Variants in CACHD1 observed in about 807,000 individuals in gnomAD.
The protein encoded by CACHD1 is VWFA and cache domain-containing protein 1.
CACHD1 carries 71 observed loss-of-function variants against 138.7 expected under a neutral mutation model. The observed-to-expected ratio is 0.51, with a 90% CI of 0.42 to 0.62. The LOEUF is 0.62. Among genes scored for constraint, CACHD1 ranks in the 20% least tolerant of loss-of-function variants. The pLI, the probability that CACHD1 is intolerant of heterozygous loss-of-function variation, is 0.00. For missense variants in CACHD1, 1,389 were observed against 1,625.3 expected (o/e 0.85, Z 2.50); for synonymous variants, 578 against 591.5 (o/e 0.98, Z 0.33).
intron 13 of CACHD1, among the ~76,000 whole-genome samples, chr1:64,662,138 A>G (rs1414938170): frequency 6.6e-6 from 1 of 152,208 alleles, no homozygotes; most frequent in Non-Finnish European, 1.5e-5. Context: ...AGAAGCAAAA[A>G]TCAAATCCAG....
intron 13 of CACHD1, among the ~76,000 whole-genome samples, chr1:64,662,513 A>C (rs1649476463): frequency 6.6e-6 from 1 of 152,180 alleles, no homozygotes; most frequent in Admixed American, 6.5e-5. Flanking sequence ...TTACTTTTTA[A>C]GTGCAATGTC....
chr1:64,603,164 C>G (rs990327961), intron 4 of CACHD1, among the ~76,000 whole-genome samples: 1 of 143,862 alleles, frequency 7.0e-6, no homozygotes, highest in South Asian at 2.2e-4. Context: ...GAGTGCAGTG[C>G]CGCGATCTCG....
intron 4 of CACHD1, among the ~76,000 whole-genome samples, chr1:64,608,432 C>G (rs1477075915): frequency 6.6e-6 from 1 of 152,160 alleles, no homozygotes; most frequent in African/African-American, 2.4e-5. Context: ...GCCTTAGGCT[C>G]TTTCATACTG....
chr1:64,605,576 A>G (rs1424865086), intron 4 of CACHD1, among the ~76,000 whole-genome samples: 3 of 152,134 alleles, frequency 2.0e-5, no homozygotes, highest in Admixed American at 6.5e-5. Context: ...TTGAGATTCT[A>G]GAAGCTCCAT....
chr1:64,533,905 A>G (rs1204734601), intron 1 of CACHD1, among the ~76,000 whole-genome samples: 1 of 151,858 alleles, frequency 6.6e-6, no homozygotes, highest in East Asian at 1.9e-4. Flanking sequence ...GGCACCAGCC[A>G]CCACATCCGG....
chr1:64,677,872 G>A (rs1650048214), intron 22 of CACHD1, among the ~76,000 whole-genome samples: 1 of 151,960 alleles, frequency 6.6e-6, no homozygotes, highest in Admixed American at 6.6e-5. Context: ...TTTCTGTTTG[G>A]TCTTGTAAGA....
At chr1:64,647,667 C>A in intron 8 of CACHD1, 134 bp from the exon 9 acceptor site, 1 of 661,018 alleles carries the variant, frequency 1.5e-6, no homozygotes, top group Non-Finnish European at 2.6e-6. Context: ...TGTCCAGAGT[C>A]TATGTGGTCT....
intron 1 of CACHD1, among the ~76,000 whole-genome samples, chr1:64,533,748 C>CT (rs1553130304): frequency 1.1e-3 from 143 of 129,442 alleles, no homozygotes; most frequent in East Asian, 1.0e-2. Context: ...TCTTCTCTCT[C>CT]TTTTTTTTTT....
At chr1:64,525,743 T>C (rs307343) in intron 1 of CACHD1, among the ~76,000 whole-genome samples, 18,179 of 152,174 alleles carry the variant, frequency 0.12, 3,214 homozygotes, top group African/African-American at 0.39. Context: ...ACATTTTCTT[T>C]AGGTAATGGC....
chr1:64,599,770 C>A (rs1225384295), intron 3 of CACHD1, among the ~76,000 whole-genome samples: 1 of 152,084 alleles, frequency 6.6e-6, no homozygotes, highest in Non-Finnish European at 1.5e-5. Flanking sequence ...TGTCCCTGGT[C>A]CCACGAGCCA....
At chr1:64,631,545 G>T (rs993291383) in intron 5 of CACHD1, among the ~76,000 whole-genome samples, 4 of 152,138 alleles carry the variant, frequency 2.6e-5, no homozygotes, top group African/African-American at 9.7e-5. Context: ...GATTCAGCTG[G>T]CATCTAACAT....
intron 1 of CACHD1, among the ~76,000 whole-genome samples, chr1:64,521,494 C>T (rs546921852): frequency 1.3e-5 from 2 of 152,292 alleles, no homozygotes; most frequent in African/African-American, 4.8e-5. Flanking sequence ...TGACTTCTTT[C>T]ACTTAGTTTA....
At chr1:64,647,772 C>T (rs369396313) in intron 8 of CACHD1, 29 bp from the exon 9 acceptor site, 93 of 1,599,010 alleles carry the variant, frequency 5.8e-5, no homozygotes, top group Admixed American at 8.4e-5. Flanking sequence ...TTTTGCTTTC[C>T]GTGGTCTTCT....
intron 19 of CACHD1, among the ~76,000 whole-genome samples, chr1:64,673,997 A>G (rs1038129870): frequency 5.3e-5 from 8 of 152,208 alleles, no homozygotes; most frequent in Admixed American, 3.9e-4. Flanking sequence ...TCTTAAGGAC[A>G]TTCTCATTAA....
intron 9 of CACHD1, among the ~76,000 whole-genome samples, chr1:64,651,569 C>G (rs1036985155): frequency 2.6e-5 from 4 of 152,124 alleles, no homozygotes; most frequent in Non-Finnish European, 4.4e-5. Flanking sequence ...GAGGGAGGAT[C>G]ACTTGAGCCC....
intron 2 of CACHD1, among the ~76,000 whole-genome samples, chr1:64,551,135 A>T (rs1646755912): frequency 6.6e-6 from 1 of 152,158 alleles, no homozygotes. Context: ...TGACAAATTG[A>T]CCAAGAATGA....
intron 1 of CACHD1, among the ~76,000 whole-genome samples, chr1:64,543,685 G>GT (rs1309232226): frequency 1.3e-5 from 2 of 151,684 alleles, no homozygotes; most frequent in Non-Finnish European, 2.9e-5. Context: ...CCTTCCATTT[G>GT]TTTAATAGTA....
Position 64,682,061 on chromosome 1 carries a change from A to G in CACHD1, c.3541A>G (p.Arg1181Gly). The G allele has an allele frequency of 6.2e-7, 1 of 1,614,124 alleles. No individual in the cohort carries two copies. Among genetic ancestry groups the G allele is most frequent in the Non-Finnish European group, 8.5e-7 (1 of 1,180,016 alleles). The change falls in exon 26 of 27, where the codon AGA becomes GGA. Residue 1181 changes from arginine to glycine, a missense_variant. By Grantham distance (125) the Arg-to-Gly change is moderately radical. Around this residue, in one of 5 missense-constraint regions of CACHD1, gnomAD observed 250 missense variants for 292.9 expected, o/e 0.85. Transcript: ENST00000651257. ...VIERHAHSPE[R>G]RRRYWGRSGT... Reference sequence around the variant, plus strand: ...CGAACGACATGCACACAGTCCAGAAAGAAGGCGCCGCTACTGGGGTCGATC... The same window carrying G: ...CGAACGACATGCACACAGTCCAGAAGGAAGGCGCCGCTACTGGGGTCGATC...
intron 2 of CACHD1, among the ~76,000 whole-genome samples, chr1:64,559,628 A>G (rs1646823808): frequency 6.6e-6 from 1 of 152,140 alleles, no homozygotes; most frequent in Non-Finnish European, 1.5e-5. Context: ...AAACCTTCAC[A>G]TGTACACCCA....
Sources: gnomAD v4.1 joint callset for allele counts (sites outside exome capture counted in the v4.1 genomes callset) on GRCh38, gnomAD v4.1.1 for gene constraint, gnomAD v4.1.1 regional missense constraint, MANE v1.5 for transcripts, NCBI Gene and HGNC (gene_info 2026-07-23, HGNC 2026-07-21) for gene names.